NLGN1: variants seen among roughly 807,000 people sequenced by gnomAD.
NLGN1 encodes neuroligin 1, also known as neuroligin-1.
A neutral mutation model predicts 65.5 loss-of-function variants in NLGN1; 12 were observed. The observed-to-expected ratio is 0.18, with a 90% CI of 0.12 to 0.30. The LOEUF is 0.30. NLGN1 is among the 10% of genes least tolerant of loss of function. The probability of loss-of-function intolerance (pLI) is 1.00; values close to 1 mark genes in which losing one functional copy is unlikely to be tolerated. For missense variants in NLGN1, 750 were observed against 1,007.1 expected, an observed-to-expected ratio of 0.74 and a Z score of 3.46; for synonymous variants, 350 against 359.5, an observed-to-expected ratio of 0.97 and a Z score of 0.30.
intron 4 of NLGN1, among the ~76,000 whole-genome samples, chr3:173,900,635 G>A (rs9875805): frequency 0.018 from 2,809 of 152,018 alleles, 68 homozygotes; most frequent in Middle Eastern, 0.065. Flanking sequence ...TTTTTAATAG[G>A]CAAGATTTAC....
At chr3:173,518,522 GTA>G (rs200214871) in intron 2 of NLGN1, among the ~76,000 whole-genome samples, 3,587 of 149,966 alleles carry the variant, frequency 0.024, 54 homozygotes, top group Middle Eastern at 0.049. Flanking sequence ...ATATATATGA[GTA>G]TGTGTATGTG....
chr3:173,551,776 A>G (rs1324192810), intron 2 of NLGN1, among the ~76,000 whole-genome samples: 2 of 152,126 alleles, frequency 1.3e-5, no homozygotes, highest in Non-Finnish European at 2.9e-5. Flanking sequence ...CCCCCACACA[A>G]GCTACTTCAC....
intron 4 of NLGN1, among the ~76,000 whole-genome samples, chr3:173,831,318 T>C (rs900862540): frequency 2.6e-5 from 4 of 152,184 alleles, no homozygotes; most frequent in South Asian, 2.1e-4. Context: ...ACATCTCTTA[T>C]CTGCAAAATA....
intron 2 of NLGN1, among the ~76,000 whole-genome samples, chr3:173,530,772 G>A (rs1736436375): frequency 6.6e-6 from 1 of 152,044 alleles, no homozygotes; most frequent in Admixed American, 6.5e-5. Flanking sequence ...TGAAAACAGA[G>A]TTTAAATAAT....
intron 4 of NLGN1, among the ~76,000 whole-genome samples, chr3:173,854,297 A>G (rs1443325594): frequency 6.6e-6 from 1 of 151,982 alleles, no homozygotes; most frequent in Non-Finnish European, 1.5e-5. Context: ...TCCTATTGCT[A>G]CTCTGCCATT....
At position 173,978,383 on chromosome 3, in the gene NLGN1, G is replaced by A. The variant is rs778219014; in HGVS notation, c.646+170551G>A. ...GAGGGAAATTTTTAGTTTAGTTATGGGCATGCTAAGTTTGCAAGATATGCG... is the reference window on the plus strand; with the variant it reads ...GAGGGAAATTTTTAGTTTAGTTATGAGCATGCTAAGTTTGCAAGATATGCG... On this transcript the variant is annotated intron_variant, in intron 4 of 6. Coordinates refer to ENST00000457714, the Ensembl canonical transcript of NLGN1. 7.9e-5 allele frequency among the ~76,000 whole-genome samples: 12 copies of A among 152,106 alleles called. No individual in the cohort carries two copies. The South Asian group carries it at 1.9e-3, about 24-fold the overall frequency.
chr3:173,702,727 G>A (rs4349527), intron 3 of NLGN1, among the ~76,000 whole-genome samples: 58 of 152,134 alleles, frequency 3.8e-4, no homozygotes, highest in African/African-American at 1.3e-3. Flanking sequence ...CAGGTTTGTG[G>A]ATGACACTTC....
intron 2 of NLGN1, among the ~76,000 whole-genome samples, chr3:173,440,344 TCTC>T (rs1158604632): frequency 2.0e-5 from 3 of 152,150 alleles, no homozygotes; most frequent in East Asian, 1.9e-4. Context: ...GATATTTTGA[TCTC>T]CTCCTGTGAA....
chr3:173,407,705 G>C (rs1416930029), intron 1 of NLGN1, among the ~76,000 whole-genome samples: 1 of 152,134 alleles, frequency 6.6e-6, no homozygotes, highest in East Asian at 1.9e-4. Flanking sequence ...ACAGGCAGCA[G>C]GGGCAGTTGG....
intron 4 of NLGN1, among the ~76,000 whole-genome samples, chr3:174,076,002 A>G (rs1740829667): frequency 6.6e-6 from 1 of 152,152 alleles, no homozygotes; most frequent in Non-Finnish European, 1.5e-5. Context: ...TTTATTTTAC[A>G]TATGTCTGCC....
chr3:173,590,408 G>A (rs77722608), intron 2 of NLGN1, among the ~76,000 whole-genome samples: 7 of 152,136 alleles, frequency 4.6e-5, no homozygotes, highest in East Asian at 1.9e-4. Flanking sequence ...GTTATTTCAC[G>A]CCACGGTCTT....
chr3:173,559,807 A>AAT (rs1559968252), intron 2 of NLGN1, among the ~76,000 whole-genome samples: 3 of 152,182 alleles, frequency 2.0e-5, no homozygotes, highest in Non-Finnish European at 2.9e-5. Context: ...AGTAAAATGA[A>AAT]ATATATATAA....
chr3:173,473,673 A>G (rs1265066108), intron 2 of NLGN1, among the ~76,000 whole-genome samples: 1 of 152,154 alleles, frequency 6.6e-6, no homozygotes, highest in African/African-American at 2.4e-5. Flanking sequence ...ATAAATGAAA[A>G]TATTGTATAA....
intron 4 of NLGN1, among the ~76,000 whole-genome samples, chr3:173,833,584 A>G (rs938932846): frequency 6.6e-6 from 1 of 151,340 alleles, no homozygotes; most frequent in Non-Finnish European, 1.5e-5. Context: ...CAGTGGCACA[A>G]TCTCGGCTCA....
Position 173,842,216 on chromosome 3 carries a change from T to A in NLGN1, c.646+34384T>A, listed in dbSNP as rs1176713342. Among the ~76,000 whole-genome samples, 3 of 152,306 alleles carry A rather than the reference T, an allele frequency of 2.0e-5. No homozygotes were observed. In the East Asian group the frequency reaches 5.8e-4, roughly 29 times the overall value. On this transcript the variant is annotated intron_variant, in intron 4 of 6. Transcript: ENST00000457714. The stretch of plus-strand genomic sequence containing the variant: ...ACAGTGCAGAAAAGACGAGCCCACA[T>A]AATTCAATCACCTCCCACCAGGTTT...
At chr3:173,994,491 A>AAGAG (rs1553910109) in intron 4 of NLGN1, among the ~76,000 whole-genome samples, 13,241 of 80,096 alleles carry the variant, frequency 0.17, 1,848 homozygotes, top group East Asian at 0.4. Flanking sequence ...AAAAAAAAAA[A>AAGAG]AGAGAGAGAG....
At chr3:173,700,624 T>C (rs943401801) in intron 3 of NLGN1, among the ~76,000 whole-genome samples, 1 of 152,370 alleles carries the variant, frequency 6.6e-6, no homozygotes, top group Non-Finnish European at 1.5e-5. Context: ...GCATCATCTT[T>C]AGGCAGAAAC....
chr3:173,812,023 A>G (rs1480830810), intron 4 of NLGN1, among the ~76,000 whole-genome samples: 2 of 152,160 alleles, frequency 1.3e-5, no homozygotes, highest in Non-Finnish European at 2.9e-5. Flanking sequence ...CTTGGAGGCA[A>G]TTATGCAATT....
Position 173,791,649 on chromosome 3 carries a change from T to TA in NLGN1, c.494-16024dup, listed in dbSNP as rs1339759562. ...GGCTTTCCAGTTGTAATATGATTAT[T>TA]AAAAAAACAATTGATTTATGGTTTG... On this transcript the variant is annotated intron_variant, in intron 3 of 6. Transcript: ENST00000457714. 3.9e-5 allele frequency among the ~76,000 whole-genome samples: 6 copies of TA among 152,126 alleles called. No individual in the cohort carries two copies. The South Asian group carries it at 8.3e-4, about 21-fold the overall frequency.
Sources: gnomAD v4.1 joint callset for allele counts (sites outside exome capture counted in the v4.1 genomes callset) on GRCh38, gnomAD v4.1.1 for gene constraint, MANE v1.5 for transcripts, NCBI Gene and HGNC (gene_info 2026-07-23, HGNC 2026-07-21) for gene names.